FZD6: variants seen among roughly 807,000 people sequenced by gnomAD.
FZD6 encodes the protein frizzled-6.
FZD6 carries 49 observed loss-of-function variants against 61.4 expected under a neutral mutation model. The ratio of observed to expected loss-of-function variants is 0.80; its 90% CI spans 0.63 to 1.01. The LOEUF is 1.01. Ranked by LOEUF, FZD6 falls within the 50% of genes least tolerant of loss-of-function variation. The pLI, the probability that FZD6 is intolerant of heterozygous loss-of-function variation, is 0.00. For synonymous variants in FZD6, 265 were observed against 292.2 expected, an observed-to-expected ratio of 0.91 and a Z score of 0.95; for missense variants, 724 against 848.2, an observed-to-expected ratio of 0.85 and a Z score of 1.82.
At chr8:103,311,924 A>G (rs1814506930) in intron 2 of FZD6, among the ~76,000 whole-genome samples, 1 of 152,208 alleles carries the variant, frequency 6.6e-6, no homozygotes, top group Non-Finnish European at 1.5e-5. Context: ...CAAAGGTAGC[A>G]CAGGTAGTTA....
rs138824850 is a variant in FZD6, at chr8:103,329,966, C to G, written c.1853C>G (p.Pro618Arg). 3 of 1,614,056 alleles carry G rather than the reference C, an allele frequency of 1.9e-6. No individual in the cohort carries two copies. The highest frequency in any genetic ancestry group is 2.5e-6 in the Non-Finnish European group (3 of 1,179,916). Residue 618 changes from proline (P) to arginine (R), a missense_variant, in exon 6 of 7, where the codon CCT (proline) becomes CGT (arginine). Physicochemically the swap from Pro to Arg is moderately radical, Grantham distance 103 (BLOSUM62 -2). Coordinates refer to ENST00000358755, the MANE Select transcript of FZD6 (RefSeq NM_003506.4). ...PRLREQDCGE[P>R]ASPAASISRL... ...TTAAGAGAACAGGACTGTGGTGAAC[C>G]TGCCTCGCCAGCAGCATCCATCTCC...
chr8:103,311,449 T>C (rs1423890908), intron 2 of FZD6, among the ~76,000 whole-genome samples: 1 of 151,990 alleles, frequency 6.6e-6, no homozygotes. Flanking sequence ...TGTAAAACAG[T>C]GTTACTCTCT....
intron 2 of FZD6, among the ~76,000 whole-genome samples, chr8:103,309,001 G>A (rs944772583): frequency 1.3e-5 from 2 of 152,112 alleles, no homozygotes; most frequent in Non-Finnish European, 2.9e-5. Context: ...CTGTGAAGTC[G>A]GTGATATGTT....
At position 103,306,534 on chromosome 8, in the gene FZD6, C is replaced by T. The variant is rs1034590490; in HGVS notation, c.177+6250C>T. 9.2e-4 allele frequency among the ~76,000 whole-genome samples: 108 copies of T among 117,996 alleles called. 2 individuals carry two copies. The Admixed American group carries it at 9.7e-3, about 11-fold the overall frequency. 77.4% of individuals were successfully genotyped at this position (117,996 alleles called of 152,430 possible). On this transcript the variant is annotated intron_variant, in intron 2 of 6. Transcript: ENST00000358755. ...TTTTTTTTTTTTTGAGACAGAGTCT[C>T]GTTCTGTCACCCAGGCTGGAGTGCA...
intron 3 of FZD6, 35 bp downstream of exon 3, chr8:103,318,821 T>C (rs1351220978): frequency 1.7e-6 from 2 of 1,175,566 alleles, no homozygotes; most frequent in African/African-American, 3.0e-5. Context: ...CTACTAATGG[T>C]ATTTTACTAC....
At chr8:103,303,641 T>G (rs573561426) in intron 2 of FZD6, among the ~76,000 whole-genome samples, 1 of 152,206 alleles carries the variant, frequency 6.6e-6, no homozygotes, top group Non-Finnish European at 1.5e-5. Flanking sequence ...AAGGGAATTT[T>G]CCCTCCAAAT....
intron 3 of FZD6, among the ~76,000 whole-genome samples, chr8:103,321,786 C>T (rs76517668): frequency 0.046 from 7,076 of 152,276 alleles, 212 homozygotes; most frequent in Middle Eastern, 0.088. Context: ...CAGCCATCCT[C>T]GGGTAGCTTG....
rs1467491119 is a variant in FZD6, at chr8:103,318,625, A to G, written c.213A>G (p.Pro71=). The G allele has an allele frequency of 6.2e-7, 1 of 1,610,842 alleles. No individual in the cohort carries two copies. The highest frequency in any genetic ancestry group is 1.1e-5 in the South Asian group (1 of 91,006). The change falls in exon 3 of 7, where the codon CCA becomes CCG. Residue 71 remains proline, a synonymous_variant. Coordinates refer to ENST00000358755, the MANE Select transcript of FZD6 (RefSeq NM_003506.4). ...CTCTCGCAAATCTGGAATGTTCACCAAACATTGAAACTTTCCTCTGCAAAG... is the reference window on the plus strand; with the variant it reads ...CTCTCGCAAATCTGGAATGTTCACCGAACATTGAAACTTTCCTCTGCAAAG... ...FLPLANLECS[P]NIETFLCKAF... is the part of the protein sequence containing the mutation.
chr8:103,305,773 C>T (rs1177797594), intron 2 of FZD6, among the ~76,000 whole-genome samples: 1 of 152,218 alleles, frequency 6.6e-6, no homozygotes, highest in Non-Finnish European at 1.5e-5. Context: ...AGTCCCTTGA[C>T]TCCTTCTTTT....
In FZD6 at chr8:103,300,264, A is replaced by G. The variant is rs1348502085; in HGVS notation, c.157A>G (p.Ile53Val). The G allele has an allele frequency of 1.9e-6, 3 of 1,605,192 alleles. No homozygotes were observed. In the South Asian group the frequency reaches 3.3e-5, roughly 18 times the overall value. ...PNLMGHYDQS[I>V]AAVEMEHFLP... ...TCTGATGGGTCATTATGACCAGAGT[A>G]TTGCCGCGGTGGAAATGGAGGTGAG... is the stretch of plus-strand genomic sequence containing the variant. Residue 53 changes from isoleucine (I) to valine (V), a missense_variant, in exon 2 of 7, where the codon ATT (isoleucine) becomes GTT (valine). Coordinates refer to ENST00000358755, the MANE Select transcript of FZD6 (RefSeq NM_003506.4).
At position 103,324,433 on chromosome 8, in the gene FZD6, T is replaced by G. The variant is rs745337518; in HGVS notation, c.375-48T>G. 3 of 1,005,480 alleles carry G rather than the reference T, an allele frequency of 3.0e-6. No homozygotes were observed. In the South Asian group the frequency reaches 4.6e-5, roughly 15 times the overall value. 62.3% of individuals were successfully genotyped at this position (1,005,480 alleles called of 1,614,324 possible). On this transcript the variant is annotated intron_variant, in intron 3 of 6. Coordinates refer to ENST00000358755, the MANE Select transcript of FZD6 (RefSeq NM_003506.4). The stretch of plus-strand genomic sequence containing the variant: ...GGAAAGCATTGCTTAATATATTGAA[T>G]CAATAAAAATGTTGATTTCATATAT...
intron 2 of FZD6, among the ~76,000 whole-genome samples, chr8:103,306,761 T>C (rs898020809): frequency 2.0e-5 from 3 of 151,988 alleles, no homozygotes; most frequent in Admixed American, 6.5e-5. Flanking sequence ...CACCTCGGCC[T>C]CCCAAAGTGC....
intron 2 of FZD6, among the ~76,000 whole-genome samples, chr8:103,311,662 A>G (rs1483363736): frequency 6.8e-6 from 1 of 147,392 alleles, no homozygotes; most frequent in Admixed American, 6.9e-5. Context: ...CCTGGGCCAC[A>G]GAGTGAGAAC....
chr8:103,321,547 T>G (rs1465087771), intron 3 of FZD6, among the ~76,000 whole-genome samples: 1 of 152,212 alleles, frequency 6.6e-6, no homozygotes, highest in Non-Finnish European at 1.5e-5. Flanking sequence ...AGATTTAACA[T>G]AACTGTGGTA....
rs537993647 is a variant in FZD6 at position 103,329,258 on chromosome 8, CTT to C, written c.1542-396_1542-395del. The stretch of plus-strand genomic sequence containing the variant: ...AATTTTTAACGTTAGAAAGAAAAGA[CTT>C]ATATTTAAATGAAGACCGTTAATTA... On this transcript the variant is annotated intron_variant, in intron 5 of 6. Transcript: ENST00000358755. Among the ~76,000 whole-genome samples the C allele has an allele frequency of 1.5e-3, 228 of 151,294 alleles. 1 individual carries two copies. Among genetic ancestry groups the C allele is most frequent in the African/African-American group, 4.1e-3 (170 of 41,412 alleles).
chr8:103,328,766 T>A (rs1815029406), intron 5 of FZD6, among the ~76,000 whole-genome samples: 1 of 151,462 alleles, frequency 6.6e-6, no homozygotes, highest in Non-Finnish European at 1.5e-5. Flanking sequence ...GGTACAGCAT[T>A]TTAAATAATT....
chr8:103,330,178 T>C, intron 6 of FZD6, 113 bp downstream of exon 6: 1 of 976,428 alleles, frequency 1.0e-6, no homozygotes, highest in Non-Finnish European at 1.6e-6. Context: ...GTCTGTACTC[T>C]TACCCCAAGG....
Position 103,332,275 on chromosome 8 carries a change from A to G in FZD6, c.*766A>G, listed in dbSNP as rs1334562340. ...GCATATTTAAAATAAAATGTCCTAA[A>G]GGGTTAGTAGACAAAATGTTAGTCT... On this transcript the variant is annotated 3_prime_UTR_variant, in exon 7 of 7. Transcript: ENST00000358755. 6.6e-6 allele frequency: 1 copy of G among 152,184 alleles called. No individual in the cohort carries two copies. Among genetic ancestry groups the G allele is most frequent in the Non-Finnish European group, 1.5e-5 (1 of 68,010 alleles). The allele number at this position is 152,184 out of a possible 1,614,324, so 9.4% of individuals were successfully genotyped here.
At chr8:103,325,573 T>C (rs781683461) in intron 4 of FZD6, 75 bp downstream of exon 4, 9 of 1,245,810 alleles carry the variant, frequency 7.2e-6, no homozygotes, top group Non-Finnish European at 1.1e-5. Context: ...ATACTTGTCA[T>C]GGATGTAAAA....
Sources: gnomAD v4.1 joint callset for allele counts (sites outside exome capture counted in the v4.1 genomes callset) on GRCh38, gnomAD v4.1.1 for gene constraint, MANE v1.5 for transcripts, NCBI Gene and HGNC (gene_info 2026-07-23, HGNC 2026-07-21) for gene names.